The following SGCZ variants were observed in gnomAD, a reference collection of about 807,000 sequenced individuals.
SGCZ encodes the protein sarcoglycan zeta.
A neutral mutation model predicts 41.3 loss-of-function variants in SGCZ; 40 were observed. That is an observed-to-expected ratio of 0.97 (90% confidence interval 0.75 to 1.26). SGCZ has a LOEUF of 1.26. Among genes scored for constraint, SGCZ ranks in the 50% most tolerant of loss-of-function variants. The probability of loss-of-function intolerance (pLI) is 0.00; values close to 1 mark genes in which losing one functional copy is unlikely to be tolerated. For missense variants in SGCZ, 552 were observed against 369.8 expected (o/e 1.49, Z -4.04); for synonymous variants, 206 against 137.5 (o/e 1.50, Z -3.49).
intron 1 of SGCZ, among the ~76,000 whole-genome samples, chr8:14,867,451 C>T (rs1803972908): frequency 6.6e-6 from 1 of 152,016 alleles, no homozygotes; most frequent in Admixed American, 6.6e-5. Context: ...GATTTATATT[C>T]CTTTGGGCAT....
chr8:14,314,983 C>G (rs1324732968), intron 3 of SGCZ, among the ~76,000 whole-genome samples: 1 of 152,006 alleles, frequency 6.6e-6, no homozygotes, highest in African/African-American at 2.4e-5. Context: ...CATTCAAGTC[C>G]CATTATGTCT....
At chr8:14,802,130 TG>T (rs746563844) in intron 1 of SGCZ, among the ~76,000 whole-genome samples, 39 of 152,302 alleles carry the variant, frequency 2.6e-4, no homozygotes, top group Admixed American at 1.6e-3. Context: ...TTGAAAATCT[TG>T]AGTTGAATTT....
chr8:14,102,607 C>A, intron 6 of SGCZ, 108 bp from the exon 7 acceptor site: 1 of 1,034,276 alleles, frequency 9.7e-7, no homozygotes, highest in Non-Finnish European at 1.2e-6. Context: ...GTCAAAACAA[C>A]AACCAGACAG....
At chr8:14,284,232 C>G (rs1039254864) in intron 3 of SGCZ, among the ~76,000 whole-genome samples, 9 of 152,128 alleles carry the variant, frequency 5.9e-5, no homozygotes, top group African/African-American at 2.2e-4. Context: ...CTCTACAAAA[C>G]ATTTGAAAAG....
At chr8:14,158,602 A>G (rs1229581980) in intron 5 of SGCZ, among the ~76,000 whole-genome samples, 1 of 152,184 alleles carries the variant, frequency 6.6e-6, no homozygotes, top group Non-Finnish European at 1.5e-5. Context: ...AATTCAAGCC[A>G]TGAGAGGAAT....
At chr8:14,793,294 C>T (rs905337631) in intron 1 of SGCZ, among the ~76,000 whole-genome samples, 2 of 152,178 alleles carry the variant, frequency 1.3e-5, no homozygotes, top group African/African-American at 4.8e-5. Context: ...GATGTCCCTG[C>T]TTCCATTCCT....
At chr8:14,144,229 C>T (rs573420691) in intron 5 of SGCZ, among the ~76,000 whole-genome samples, 56 of 152,290 alleles carry the variant, frequency 3.7e-4, no homozygotes, top group Middle Eastern at 3.4e-3. Flanking sequence ...AATGAGACCC[C>T]ATCCTTCCAC....
At chr8:14,512,817 C>A (rs777848446) in intron 2 of SGCZ, among the ~76,000 whole-genome samples, 1 of 151,944 alleles carries the variant, frequency 6.6e-6, no homozygotes, top group East Asian at 1.9e-4. Context: ...CCTGAAGGAA[C>A]TTTATTAATT....
At chr8:14,537,105 C>T (rs1169890502) in intron 2 of SGCZ, among the ~76,000 whole-genome samples, 1 of 151,938 alleles carries the variant, frequency 6.6e-6, no homozygotes, top group Admixed American at 6.6e-5. Context: ...GAATACCCAG[C>T]AGTATTCACT....
At chr8:14,867,023 G>A (rs958851213) in intron 1 of SGCZ, among the ~76,000 whole-genome samples, 3 of 152,092 alleles carry the variant, frequency 2.0e-5, no homozygotes, top group Non-Finnish European at 4.4e-5. Context: ...TTCTGTAGGA[G>A]CTAAAATTTC....
intron 2 of SGCZ, among the ~76,000 whole-genome samples, chr8:14,536,982 T>C (rs192296738): frequency 6.6e-6 from 1 of 152,060 alleles, no homozygotes; most frequent in East Asian, 1.9e-4. Context: ...AAATACCTTC[T>C]TTAGAACTAC....
intron 2 of SGCZ, among the ~76,000 whole-genome samples, chr8:14,363,016 T>C (rs1371513998): frequency 6.6e-6 from 1 of 152,180 alleles, no homozygotes; most frequent in African/African-American, 2.4e-5. Context: ...TTGCTCAATA[T>C]GTGGATGACA....
At chr8:14,674,398 A>G (rs1245069202) in intron 1 of SGCZ, among the ~76,000 whole-genome samples, 2 of 152,208 alleles carry the variant, frequency 1.3e-5, no homozygotes, top group Non-Finnish European at 2.9e-5. Context: ...GATTAAATTT[A>G]CAAGAAAAAA....
chr8:14,645,265 A>C (rs1807170081), intron 1 of SGCZ, among the ~76,000 whole-genome samples: 1 of 143,106 alleles, frequency 7.0e-6, no homozygotes, highest in Non-Finnish European at 1.5e-5. Flanking sequence ...TTTTTGATGA[A>C]ATATTTCTTT....
At chr8:14,779,760 C>G (rs1349733667) in intron 1 of SGCZ, among the ~76,000 whole-genome samples, 1 of 152,106 alleles carries the variant, frequency 6.6e-6, no homozygotes, top group Non-Finnish European at 1.5e-5. Context: ...AGGGATTCAA[C>G]AGTAGCAGAG....
chr8:14,438,765 C>A (rs531434326), intron 2 of SGCZ, among the ~76,000 whole-genome samples: 3 of 151,912 alleles, frequency 2.0e-5, no homozygotes, highest in South Asian at 2.1e-4. Flanking sequence ...ATCACTGTAA[C>A]ATTATATTAA....
chr8:14,817,141 C>G (rs1033317495), intron 1 of SGCZ, among the ~76,000 whole-genome samples: 3 of 152,162 alleles, frequency 2.0e-5, no homozygotes, highest in Admixed American at 1.3e-4. Flanking sequence ...GTTGCACACT[C>G]AGTAACATCC....
chr8:15,184,055 T>C (rs76106072), intron 1 of SGCZ, among the ~76,000 whole-genome samples: 2,646 of 152,286 alleles, frequency 0.017, 84 homozygotes, highest in African/African-American at 0.061. Flanking sequence ...GCTGAAATAA[T>C]ATATTTTTTA....
At chr8:14,554,581 T>C (rs1244514575) in intron 2 of SGCZ, 151 bp downstream of exon 2, 2 of 690,306 alleles carry the variant, frequency 2.9e-6, no homozygotes, top group African/African-American at 3.6e-5. Flanking sequence ...ACTGAATGTA[T>C]TCTTAAAATA....
Sources: gnomAD v4.1 joint callset for allele counts (sites outside exome capture counted in the v4.1 genomes callset) on GRCh38, gnomAD v4.1.1 for gene constraint, MANE v1.5 for transcripts, NCBI Gene and HGNC (gene_info 2026-07-23, HGNC 2026-07-21) for gene names.